The following KIF6 variants were observed in gnomAD, a reference collection of about 807,000 sequenced individuals.
KIF6 encodes kinesin-like protein KIF6.
KIF6 carries 106 observed loss-of-function variants against 112.7 expected under a neutral mutation model. The observed-to-expected ratio is 0.94, with a 90% confidence interval of 0.80 to 1.11. The LOEUF is 1.11. KIF6 is among the 50% of genes least tolerant of loss of function. The pLI is 0.00. For missense variants in KIF6, 929 were observed against 964.0 expected, an observed-to-expected ratio of 0.96 and a Z score of 0.48; for synonymous variants, 339 against 339.9, an observed-to-expected ratio of 1.00 and a Z score of 0.03.
intron 13 of KIF6, among the ~76,000 whole-genome samples, chr6:39,513,224 C>T (rs1355851831): frequency 6.6e-6 from 1 of 152,176 alleles, no homozygotes; most frequent in Non-Finnish European, 1.5e-5. Flanking sequence ...AGCTAGCCTG[C>T]AGCTAGGTTA....
At chr6:39,524,400 C>T (rs537876658) in intron 13 of KIF6, among the ~76,000 whole-genome samples, 5 of 152,204 alleles carry the variant, frequency 3.3e-5, no homozygotes, top group South Asian at 2.1e-4. Flanking sequence ...TTAGGGACTA[C>T]GCTGGTATCT....
intron 6 of KIF6, 34 bp downstream of exon 6, chr6:39,613,155 T>G: frequency 6.6e-7 from 1 of 1,523,296 alleles, no homozygotes; most frequent in Non-Finnish European, 8.8e-7. Flanking sequence ...TCTTATAATG[T>G]TGAAGAAACA....
intron 3 of KIF6, among the ~76,000 whole-genome samples, chr6:39,643,369 C>T (rs1473924070): frequency 1.3e-5 from 2 of 152,116 alleles, no homozygotes; most frequent in Non-Finnish European, 2.9e-5. Context: ...CTAAAACAAT[C>T]TTGAAAAGAA....
At chr6:39,600,784 A>C (rs998820495) in intron 6 of KIF6, among the ~76,000 whole-genome samples, 2 of 152,184 alleles carry the variant, frequency 1.3e-5, no homozygotes, top group African/African-American at 2.4e-5. Context: ...TAGTGTAATA[A>C]AAATCACACA....
At chr6:39,394,005 T>A (rs1488578195) in intron 15 of KIF6, among the ~76,000 whole-genome samples, 2 of 152,130 alleles carry the variant, frequency 1.3e-5, no homozygotes, top group East Asian at 3.9e-4. Flanking sequence ...CGTATGTAAA[T>A]AACTGTGTGT....
intron 10 of KIF6, among the ~76,000 whole-genome samples, chr6:39,558,110 C>G (rs1237284430): frequency 1.3e-5 from 2 of 151,954 alleles, no homozygotes; most frequent in African/African-American, 4.8e-5. Flanking sequence ...TAATTTATAA[C>G]TATTCAAGTT....
chr6:39,420,708 C>T (rs1373367717), intron 14 of KIF6, among the ~76,000 whole-genome samples: 2 of 152,128 alleles, frequency 1.3e-5, no homozygotes, highest in Non-Finnish European at 2.9e-5. Context: ...CAGAAATAAG[C>T]ACATTGGATA....
At chr6:39,544,949 A>G (rs1201846254) in intron 11 of KIF6, among the ~76,000 whole-genome samples, 4 of 151,898 alleles carry the variant, frequency 2.6e-5, no homozygotes, top group South Asian at 2.1e-4. Flanking sequence ...GGAAATGCCT[A>G]CTCAACATTA....
chr6:39,540,523 T>C (rs1331118104), intron 12 of KIF6, among the ~76,000 whole-genome samples: 1 of 152,186 alleles, frequency 6.6e-6, no homozygotes, highest in African/African-American at 2.4e-5. Flanking sequence ...GAAGGCTGAA[T>C]AGTAGTAGAC....
intron 3 of KIF6, among the ~76,000 whole-genome samples, chr6:39,697,957 C>T (rs961506218): frequency 6.6e-6 from 1 of 152,130 alleles, no homozygotes; most frequent in Non-Finnish European, 1.5e-5. Context: ...CTTAATATCT[C>T]CTTAGCACCT....
intron 16 of KIF6, among the ~76,000 whole-genome samples, chr6:39,384,568 A>G (rs1450289213): frequency 6.6e-6 from 1 of 152,152 alleles, no homozygotes; most frequent in African/African-American, 2.4e-5. Flanking sequence ...ATCAGCAGCT[A>G]TTCTATATCA....
Position 39,720,690 on chromosome 6 carries a change from A to G in KIF6, c.176+12T>C. The G allele has an allele frequency of 7.2e-7, 1 of 1,380,310 alleles. No individual in the cohort carries two copies. Among genetic ancestry groups the G allele is most frequent in the African/African-American group, 1.4e-5 (1 of 70,376 alleles). 85.5% of individuals were successfully genotyped at this position (1,380,310 alleles called of 1,614,324 possible). On this transcript the variant is annotated intron_variant, in intron 2 of 22. Transcript: ENST00000287152. The stretch of plus-strand genomic sequence containing the variant: ...TGAAACAGAAATGAAAAAAGGAGAA[A>G]GAAAAACTTACTTAAATTTGTAGCT...
chr6:39,718,644 G>A (rs1790017544), intron 2 of KIF6: 1 of 151,682 alleles, frequency 6.6e-6, no homozygotes, highest in African/African-American at 2.4e-5. Context: ...GCTGAGGTGG[G>A]AGAATCACCT....
chr6:39,688,250 G>T (rs958930611), intron 3 of KIF6, among the ~76,000 whole-genome samples: 1 of 152,126 alleles, frequency 6.6e-6, no homozygotes. Context: ...CAGAGGGCAG[G>T]AGGCAGGTTA....
At chr6:39,401,451 C>G (rs1338616687) in intron 15 of KIF6, among the ~76,000 whole-genome samples, 1 of 152,172 alleles carries the variant, frequency 6.6e-6, no homozygotes, top group Non-Finnish European at 1.5e-5. Flanking sequence ...GGCAGCCAAT[C>G]TAGGGGGCAA....
chr6:39,357,259 G>A lies in KIF6; in HGVS notation c.2180+18C>T, dbSNP rs771315080. On this transcript the variant is annotated intron_variant, in intron 19 of 22. Coordinates refer to ENST00000287152, the MANE Select transcript of KIF6 (RefSeq NM_145027.6). ...CTTTTCTGGGAACTCTAACACCTCCGGTGAGTTCTCACCTTACCTTTTGTT... is the reference window on the plus strand; with the variant it reads ...CTTTTCTGGGAACTCTAACACCTCCAGTGAGTTCTCACCTTACCTTTTGTT... The A allele has an allele frequency of 9.0e-6, 14 of 1,556,238 alleles. No individual in the cohort carries two copies. Among genetic ancestry groups the A allele is most frequent in the Admixed American group, 1.7e-5 (1 of 58,690 alleles).
At chr6:39,617,391 C>T (rs375818742) in intron 5 of KIF6, among the ~76,000 whole-genome samples, 1 of 152,178 alleles carries the variant, frequency 6.6e-6, no homozygotes, top group Non-Finnish European at 1.5e-5. Flanking sequence ...CCACCCCACA[C>T]CCTACCTCCA....
chr6:39,657,061 T>C (rs1402134194), intron 3 of KIF6, among the ~76,000 whole-genome samples: 1 of 151,756 alleles, frequency 6.6e-6, no homozygotes, highest in African/African-American at 2.4e-5. Context: ...AGAAACCCCG[T>C]CTCTACTAAA....
intron 13 of KIF6, among the ~76,000 whole-genome samples, chr6:39,445,924 C>T (rs929523263): frequency 2.0e-5 from 3 of 152,216 alleles, no homozygotes; most frequent in Non-Finnish European, 4.4e-5. Flanking sequence ...ACACTGCACC[C>T]TCAACCAGTT....
Sources: allele counts gnomAD v4.1 joint callset (sites outside exome capture counted in the v4.1 genomes callset), GRCh38; gene constraint gnomAD v4.1.1; transcripts MANE v1.5; gene names NCBI Gene and HGNC (gene_info 2026-07-23, HGNC 2026-07-21).